The following SCGB2B2 variants were observed in gnomAD, a reference collection of about 807,000 sequenced individuals.
SCGB2B2 encodes the protein secretoglobin-like protein.
SCGB2B2 carries 11 observed loss-of-function variants against 7.6 expected under a neutral mutation model. That is an observed-to-expected ratio of 1.45 (90% CI 0.91 to 2.40). SCGB2B2 has a LOEUF of 2.40. Ranked by LOEUF, SCGB2B2 falls within the 30% of genes most tolerant of loss-of-function variation. The pLI is 0.00. For missense variants in SCGB2B2, 104 were observed against 115.4 expected (o/e 0.90, Z 0.45); for synonymous variants, 50 against 48.6 (o/e 1.03, Z -0.12).
At chr19:34,629,196 T>C (rs188169444) in intron 1 of SCGB2B2, among the ~76,000 whole-genome samples, 1,706 of 152,050 alleles carry the variant, frequency 0.011, 55 homozygotes, top group Non-Finnish European at 0.018. Flanking sequence ...AGCATTCCCT[T>C]TGAAAACTGG....
At chr19:34,667,614 GCTT>G (rs2067670831) in intron 1 of SCGB2B2, among the ~76,000 whole-genome samples, 1 of 152,228 alleles carries the variant, frequency 6.6e-6, no homozygotes, top group Non-Finnish European at 1.5e-5. Flanking sequence ...GAGCCCTTAT[GCTT>G]GGGCCTGCTC....
At chr19:34,606,896 T>G (rs1174487027) in intron 1 of SCGB2B2, among the ~76,000 whole-genome samples, 1 of 152,112 alleles carries the variant, frequency 6.6e-6, no homozygotes, top group Non-Finnish European at 1.5e-5. Flanking sequence ...GATTGTGGAA[T>G]GTATCCCCTG....
chr19:34,589,406 T>C (rs993405137), downstream of SCGB2B2, among the ~76,000 whole-genome samples: 1 of 151,910 alleles, frequency 6.6e-6, no homozygotes, highest in Non-Finnish European at 1.5e-5. Context: ...TGCTCAGGAG[T>C]CCTGGGAGGC....
chr19:34,611,549 T>A (rs2065927579), intron 1 of SCGB2B2, among the ~76,000 whole-genome samples: 1 of 152,192 alleles, frequency 6.6e-6, no homozygotes, highest in Admixed American at 6.5e-5. Context: ...AATGTAGGTA[T>A]TTATCATCAA....
chr19:34,644,369 T>TG (rs979586303), intron 1 of SCGB2B2, among the ~76,000 whole-genome samples: 4 of 150,436 alleles, frequency 2.7e-5, no homozygotes, highest in African/African-American at 7.4e-5. Flanking sequence ...TTTGTTTTTT[T>TG]TTTTTTACTC....
At chr19:34,594,428 G>C (rs984343468) in intron 2 of SCGB2B2, 69 bp from the exon 3 acceptor site, 16 of 1,591,424 alleles carry the variant, frequency 1.0e-5, no homozygotes, top group Admixed American at 1.7e-5. Flanking sequence ...CATGGCCAAT[G>C]AGACCTTGGG....
chr19:34,637,974 G>A (rs1306173790), intron 1 of SCGB2B2: 3 of 152,224 alleles, frequency 2.0e-5, no homozygotes, highest in African/African-American at 7.2e-5. Flanking sequence ...AAAGTTATTA[G>A]AAAATGTGTT....
At chr19:34,622,918 GTT>G (rs35078505) in intron 1 of SCGB2B2, among the ~76,000 whole-genome samples, 7,431 of 144,288 alleles carry the variant, frequency 0.052, 301 homozygotes, top group African/African-American at 0.11. Flanking sequence ...TTTCATCTAG[GTT>G]TTTTTTTTTT....
Position 34,648,440 on chromosome 19 carries a change from C to G in SCGB2B2, c.-2032+27190G>C, listed in dbSNP as rs138546305. Among the ~76,000 whole-genome samples, 491 of 152,206 alleles carry G rather than the reference C, an allele frequency of 3.2e-3. 2 individuals carry two copies. The highest frequency in any genetic ancestry group is 0.011 in the African/African-American group (464 of 41,524). ...TGTTGATGTAAGTTCTCTGAGGATGCAAAAGCATTTCACATGTGTTTGAAA... is the reference window on the plus strand; with the variant it reads ...TGTTGATGTAAGTTCTCTGAGGATGGAAAAGCATTTCACATGTGTTTGAAA... On this transcript the variant is annotated intron_variant, in intron 1 of 3. Transcript: ENST00000601241.
intron 1 of SCGB2B2, among the ~76,000 whole-genome samples, chr19:34,626,504 A>G (rs1225567912): frequency 6.6e-6 from 1 of 152,242 alleles, no homozygotes; most frequent in Non-Finnish European, 1.5e-5. Context: ...AAGAAAGGGT[A>G]TCAGTGACAG....
intron 1 of SCGB2B2, among the ~76,000 whole-genome samples, chr19:34,643,847 G>A (rs1454349850): frequency 6.6e-6 from 1 of 151,744 alleles, no homozygotes; most frequent in African/African-American, 2.4e-5. Context: ...AACACCTGAT[G>A]AAGATAAAGA....
chr19:34,676,652 CTT>C lies in SCGB2B2; in HGVS notation c.-3056_-3055del, dbSNP rs898501646. Reference sequence around the variant, plus strand: ...CTTGCGTGAGCTCTAAGAACTCTCTCTTGGGGTCGGATCCGGACCCCTTTCTG... The same window carrying C: ...CTTGCGTGAGCTCTAAGAACTCTCTCGGGGTCGGATCCGGACCCCTTTCTG... On this transcript the variant is annotated 5_prime_UTR_variant, in exon 1 of 4. The change creates a premature stop within an existing upstream ORF in the 5' untranslated region. Coordinates refer to ENST00000601241, the MANE Select transcript of SCGB2B2 (RefSeq NM_001025591.4). 6.6e-6 allele frequency: 1 copy of C among 152,216 alleles called. No homozygotes were observed. The highest frequency in any genetic ancestry group is 2.4e-5 in the African/African-American group (1 of 41,452). 9.4% of individuals were successfully genotyped at this position (152,216 alleles called of 1,614,324 possible). A position where few individuals can be genotyped will look rare whatever the true frequency, so the allele number is the denominator to read the frequency against.
At chr19:34,623,758 A>C (rs2066298500) in intron 1 of SCGB2B2, among the ~76,000 whole-genome samples, 1 of 152,176 alleles carries the variant, frequency 6.6e-6, no homozygotes, top group Non-Finnish European at 1.5e-5. Context: ...CAAAGCCCTG[A>C]TTTCCCAGAG....
chr19:34,593,330 A>G lies in SCGB2B2; in HGVS notation c.*225T>C. On this transcript the variant is annotated 3_prime_UTR_variant, in exon 4 of 4. Coordinates refer to ENST00000601241, the MANE Select transcript of SCGB2B2 (RefSeq NM_001025591.4). ...CGCCAAAAAGAAAACAGGCATGTCT[A>G]TGCTACACCTGTAGAGTTTTTCCTC... The G allele has an allele frequency of 1.9e-6, 1 of 518,830 alleles. No homozygotes were observed. Among genetic ancestry groups the G allele is most frequent in the Middle Eastern group, 5.2e-4 (1 of 1,928 alleles). The allele number at this position is 518,830 out of a possible 1,614,324, so 32.1% of individuals were successfully genotyped here.
At chr19:34,624,593 A>T (rs932646844) in intron 1 of SCGB2B2, among the ~76,000 whole-genome samples, 3 of 152,150 alleles carry the variant, frequency 2.0e-5, no homozygotes, top group Non-Finnish European at 4.4e-5. Context: ...CAAAAAAGAA[A>T]AGAAAGGAAG....
At position 34,594,701 on chromosome 19, in the gene SCGB2B2, G is replaced by C. The variant is rs1415020702; in HGVS notation, c.-138C>G. The stretch of plus-strand genomic sequence containing the variant: ...TGTGTGTGTGTGTGTGTGTGTGTGT[G>C]TGAATGTGGTCAGGGCAGGTCTGCA... On this transcript the variant is annotated 5_prime_UTR_variant, in exon 2 of 4. Transcript: ENST00000601241. 1.5e-6 allele frequency: 1 copy of C among 657,254 alleles called. No individual in the cohort carries two copies. The highest frequency in any genetic ancestry group is 2.7e-6 in the Non-Finnish European group (1 of 374,688). The allele number at this position is 657,254 out of a possible 1,614,324, so 40.7% of individuals were successfully genotyped here. A position where few individuals can be genotyped will look rare whatever the true frequency, so the allele number is the denominator to read the frequency against.
intron 1 of SCGB2B2, among the ~76,000 whole-genome samples, chr19:34,603,703 T>C (rs1221578059): frequency 6.6e-6 from 1 of 152,154 alleles, no homozygotes; most frequent in Non-Finnish European, 1.5e-5. Flanking sequence ...CTCATGTCAG[T>C]ATTTGAATAT....
intron 1 of SCGB2B2, among the ~76,000 whole-genome samples, chr19:34,641,995 C>CT (rs34297098): frequency 0.3 from 45,871 of 151,980 alleles, 7,603 homozygotes; most frequent in Non-Finnish European, 0.37. Flanking sequence ...GGCTAAGAGC[C>CT]TTGTCCCCAC....
At chr19:34,642,724 A>AAAAAAAAAC (rs2066880680) in intron 1 of SCGB2B2, among the ~76,000 whole-genome samples, 1 of 149,198 alleles carries the variant, frequency 6.7e-6, no homozygotes, top group Non-Finnish European at 1.5e-5. Context: ...CAAAAAAAAA[A>AAAAAAAAAC]AAAAAAAAAA....
Sources: gnomAD v4.1 joint callset for allele counts (sites outside exome capture counted in the v4.1 genomes callset) on GRCh38, gnomAD v4.1.1 for gene constraint, MANE v1.5 for transcripts, NCBI Gene and HGNC (gene_info 2026-07-23, HGNC 2026-07-21) for gene names.